PCDH7: variants seen among roughly 807,000 people sequenced by gnomAD.
The protein encoded by PCDH7 is protocadherin-7.
Under a neutral mutation model 58.9 loss-of-function variants are expected in PCDH7, and 17 were observed. That is an observed-to-expected ratio of 0.29 (90% CI 0.20 to 0.43). The LOEUF (loss-of-function observed/expected upper bound fraction) is 0.43. Ranked by LOEUF, PCDH7 falls within the 20% of genes least tolerant of loss-of-function variation. The pLI is 1.00. For missense variants in PCDH7, 1,274 were observed against 1,441.0 expected (o/e 0.88, Z 1.88); for synonymous variants, 664 against 616.4 (o/e 1.08, Z -1.14).
intron 2 of PCDH7, among the ~76,000 whole-genome samples, chr4:30,922,634 C>A (rs933748000): frequency 1.3e-5 from 2 of 152,138 alleles, no homozygotes; most frequent in East Asian, 3.9e-4. Context: ...TTCCAAAAAA[C>A]GACTTTTAAT....
intron 3 of PCDH7, among the ~76,000 whole-genome samples, chr4:31,035,661 C>T (rs1207964423): frequency 6.6e-6 from 1 of 152,158 alleles, no homozygotes. Context: ...GCGAGCATGA[C>T]ATTAGAATAT....
intron 1 of PCDH7, chr4:30,730,729 A>G: frequency 6.4e-7 from 1 of 1,552,064 alleles, no homozygotes; most frequent in Non-Finnish European, 8.8e-7. Context: ...TTACCTGCAT[A>G]AATCTTTATT....
At chr4:30,873,173 A>G (rs1024374907) in intron 1 of PCDH7, among the ~76,000 whole-genome samples, 4 of 152,048 alleles carry the variant, frequency 2.6e-5, no homozygotes, top group Non-Finnish European at 5.9e-5. Context: ...AACTGGGGAG[A>G]ACAATGGCAT....
At chr4:30,847,783 C>A (rs1375817054) in intron 1 of PCDH7, among the ~76,000 whole-genome samples, 1 of 152,040 alleles carries the variant, frequency 6.6e-6, no homozygotes, top group Non-Finnish European at 1.5e-5. Flanking sequence ...TTTACCACAG[C>A]TTTTCAATCT....
At chr4:30,780,413 A>G (rs1164730290) in intron 1 of PCDH7, among the ~76,000 whole-genome samples, 1 of 152,040 alleles carries the variant, frequency 6.6e-6, no homozygotes, top group Non-Finnish European at 1.5e-5. Context: ...AGACTGAGGC[A>G]GGAGAATCGC....
At chr4:31,096,709 G>A (rs527711674) in intron 3 of PCDH7, among the ~76,000 whole-genome samples, 3 of 152,160 alleles carry the variant, frequency 2.0e-5, no homozygotes, top group Admixed American at 6.5e-5. Context: ...AAAATACAAC[G>A]TAACTGGGAA....
rs374287855 is a variant in PCDH7, at chr4:30,832,228, G to A, written c.71-87925G>A. Among the ~76,000 whole-genome samples the A allele has an allele frequency of 1.6e-4, 24 of 152,120 alleles. 1 individual carries two copies. Among genetic ancestry groups the A allele is most frequent in the East Asian group, 1.5e-3 (8 of 5,190 alleles). On this transcript the variant is annotated intron_variant, in intron 1 of 3. Coordinates refer to the PCDH7 transcript ENST00000509759. Reference sequence around the variant, plus strand: ...CTATAATAACACAAAAACATCCCGTGACTCCACTGTTGAAGAATTTTGTCT... The same window carrying A: ...CTATAATAACACAAAAACATCCCGTAACTCCACTGTTGAAGAATTTTGTCT...
At chr4:31,135,458 G>C (rs1719485020) in intron 3 of PCDH7, among the ~76,000 whole-genome samples, 1 of 152,098 alleles carries the variant, frequency 6.6e-6, no homozygotes, top group African/African-American at 2.4e-5. Context: ...GGATCCAGTG[G>C]CCAGCGTATG....
At chr4:30,950,671 T>C (rs1385694304) in intron 3 of PCDH7, among the ~76,000 whole-genome samples, 1 of 152,238 alleles carries the variant, frequency 6.6e-6, no homozygotes, top group Admixed American at 6.5e-5. Flanking sequence ...AATACTCATC[T>C]GGTTATAGAA....
intron 1 of PCDH7, among the ~76,000 whole-genome samples, chr4:30,837,772 G>T (rs956542635): frequency 9.9e-4 from 149 of 151,260 alleles, no homozygotes; most frequent in African/African-American, 3.4e-3. Flanking sequence ...ATTAACTCTC[G>T]CTCTATTATT....
At chr4:30,947,613 A>T (rs1365257484) in intron 2 of PCDH7, among the ~76,000 whole-genome samples, 1 of 152,174 alleles carries the variant, frequency 6.6e-6, no homozygotes, top group African/African-American at 2.4e-5. Context: ...GTACCTAGCG[A>T]TGATTCAATG....
chr4:30,871,864 T>C (rs576163009), intron 1 of PCDH7, among the ~76,000 whole-genome samples: 1 of 152,154 alleles, frequency 6.6e-6, no homozygotes, highest in South Asian at 2.1e-4. Flanking sequence ...CATCAATCCT[T>C]GGCACTCATT....
At chr4:30,887,311 A>G (rs972609651) in intron 1 of PCDH7, among the ~76,000 whole-genome samples, 1 of 152,166 alleles carries the variant, frequency 6.6e-6, no homozygotes. Flanking sequence ...CTATAAGCAC[A>G]CTTATAGCAC....
At chr4:30,875,645 A>G (rs959417659) in intron 1 of PCDH7, among the ~76,000 whole-genome samples, 1 of 152,114 alleles carries the variant, frequency 6.6e-6, no homozygotes, top group Admixed American at 6.6e-5. Context: ...AAATAGACTG[A>G]AAGCTTCTCA....
chr4:30,722,216 C>G lies in PCDH7; in HGVS notation c.794C>G (p.Ala265Gly). Residue 265 changes from alanine to glycine, a missense_variant, in exon 1 of 2, where the codon GCG (alanine) becomes GGG (glycine). This residue lies in a region of PCDH7 where 331 missense variants were observed against 303.2 expected (regional missense o/e 1.09). Transcript: ENST00000361762. The surrounding 1 kb of genome is among the most constrained non-coding windows in gnomAD (Gnocchi z 7.6). ...CAGCCGCAGCTGATCGTGAAGGGGG[C>G]GCTGGACCGCGAGCAGCGCGACTCC... 1 of 1,589,466 alleles carries G rather than the reference C, an allele frequency of 6.3e-7. No individual in the cohort carries two copies.
At chr4:31,097,638 A>ATATATATATATATAAATC (rs370034723) in intron 3 of PCDH7, among the ~76,000 whole-genome samples, 2 of 79,208 alleles carry the variant, frequency 2.5e-5, no homozygotes, top group African/African-American at 1.2e-4. Flanking sequence ...ATATATATAT[A>ATATATATATATATAAATC]AATCTTTTTT....
chr4:31,069,872 A>ATTTGATGGTTCATTTGATGGTT (rs1256238099), intron 3 of PCDH7, among the ~76,000 whole-genome samples: 1 of 151,382 alleles, frequency 6.6e-6, no homozygotes, highest in Non-Finnish European at 1.5e-5. Flanking sequence ...AATTTTCTCC[A>ATTTGATGGTTCATTTGATGGTT]CTTGATTCAT....
chr4:30,917,806 C>T (rs569055357), intron 1 of PCDH7, among the ~76,000 whole-genome samples: 17 of 152,142 alleles, frequency 1.1e-4, no homozygotes, highest in African/African-American at 3.6e-4. Flanking sequence ...TAGCTATCAC[C>T]GGTTTCTCTG....
At chr4:31,062,966 C>A (rs1757803183) in intron 3 of PCDH7, among the ~76,000 whole-genome samples, 1 of 151,730 alleles carries the variant, frequency 6.6e-6, no homozygotes, top group Non-Finnish European at 1.5e-5. Context: ...GCTAGTATAA[C>A]TACAGAAAGA....
Sources: gnomAD v4.1 joint callset for allele counts (sites outside exome capture counted in the v4.1 genomes callset) on GRCh38, gnomAD v4.1.1 for gene constraint, gnomAD v4.1.1 regional missense constraint, Gnocchi (gnomAD v3.1) non-coding constraint, MANE v1.5 for transcripts, NCBI Gene and HGNC (gene_info 2026-07-23, HGNC 2026-07-21) for gene names.